PRELID2: variants seen among roughly 807,000 people sequenced by gnomAD.
PRELID2 encodes PRELI domain containing 2.
PRELID2 carries 25 observed loss-of-function variants against 28.4 expected under a neutral mutation model. The observed-to-expected ratio is 0.88, with a 90% CI of 0.64 to 1.23. The LOEUF is 1.23. Among genes scored for constraint, PRELID2 ranks in the 50% most tolerant of loss-of-function variants. The pLI is 0.00. For missense variants in PRELID2, 201 were observed against 214.4 expected (o/e 0.94, Z 0.39); for synonymous variants, 76 against 71.6 (o/e 1.06, Z -0.31).
downstream of PRELID2, among the ~76,000 whole-genome samples, chr5:145,471,637 C>T (rs1752055050): frequency 6.6e-6 from 1 of 151,894 alleles, no homozygotes; most frequent in East Asian, 1.9e-4. Flanking sequence ...TTTCTCAAAC[C>T]AGTATGCCTC....
At chr5:145,604,955 AATATAT>A (rs374281661) in intron 1 of PRELID2, among the ~76,000 whole-genome samples, 1 of 137,752 alleles carries the variant, frequency 7.3e-6, no homozygotes, top group Non-Finnish European at 1.5e-5. Flanking sequence ...TATTATTTTG[AATATAT>A]ATATATTCTT....
At chr5:145,447,226 A>G in the PRELID2 span, among the ~76,000 whole-genome samples, 3 of 151,826 alleles carry the variant, frequency 2.0e-5, no homozygotes, top group African/African-American at 7.3e-5. Flanking sequence ...GTACCGCATG[A>G]GGTTGAAAGA....
chr5:145,716,656 A>G (rs1200294699), intron 1 of PRELID2, among the ~76,000 whole-genome samples: 4 of 152,194 alleles, frequency 2.6e-5, no homozygotes, highest in Admixed American at 6.6e-5. Context: ...AGTTGCAACC[A>G]AAGTATATAC....
chr5:145,652,039 C>G (rs912632174), intron 1 of PRELID2, among the ~76,000 whole-genome samples: 4 of 152,060 alleles, frequency 2.6e-5, no homozygotes, highest in African/African-American at 9.7e-5. Flanking sequence ...CCAAAATAAC[C>G]AGTGTAGAGA....
the PRELID2 span, among the ~76,000 whole-genome samples, chr5:145,343,540 C>CA: frequency 1.3e-5 from 2 of 150,840 alleles, no homozygotes; most frequent in South Asian, 2.1e-4. Flanking sequence ...AAATTTATAG[C>CA]AAAAAATGCC....
At chr5:145,790,919 G>C (rs959720640) in intron 5 of PRELID2, among the ~76,000 whole-genome samples, 6 of 129,984 alleles carry the variant, frequency 4.6e-5, no homozygotes, top group Admixed American at 3.9e-4. Context: ...ATACCAAAAA[G>C]AATTGGAAGC....
the PRELID2 span, among the ~76,000 whole-genome samples, chr5:145,330,186 T>C: frequency 6.6e-6 from 1 of 152,164 alleles, no homozygotes; most frequent in African/African-American, 2.4e-5. Context: ...AGTATTTTAT[T>C]GAGGATTTTT....
At chr5:145,724,600 A>AATAAATAT (rs1308255896) in intron 1 of PRELID2, among the ~76,000 whole-genome samples, 11 of 24,776 alleles carry the variant, frequency 4.4e-4, no homozygotes, top group South Asian at 1.3e-3. Flanking sequence ...GAAGTAAATA[A>AATAAATAT]ATATATATAT....
At chr5:145,789,977 T>G (rs971713577) in intron 5 of PRELID2, among the ~76,000 whole-genome samples, 35 of 152,040 alleles carry the variant, frequency 2.3e-4, no homozygotes, top group African/African-American at 8.5e-4. Flanking sequence ...ATGGCTGATA[T>G]CAAAAAGATG....
At chr5:145,587,259 T>C (rs1339756995) in intron 1 of PRELID2, among the ~76,000 whole-genome samples, 1 of 152,142 alleles carries the variant, frequency 6.6e-6, no homozygotes, top group Non-Finnish European at 1.5e-5. Context: ...TGTGAAAAAG[T>C]ATCCTATTTG....
the PRELID2 span, among the ~76,000 whole-genome samples, chr5:145,392,721 A>AGAAG: frequency 6.6e-6 from 1 of 152,102 alleles, no homozygotes; most frequent in Non-Finnish European, 1.5e-5. Flanking sequence ...AGAGAGGGAA[A>AGAAG]GAAGGAAGAA....
intron 1 of PRELID2, among the ~76,000 whole-genome samples, chr5:145,630,988 C>G (rs1033588414): frequency 5.9e-5 from 9 of 152,166 alleles, no homozygotes; most frequent in Non-Finnish European, 8.8e-5. Context: ...TTCTCTAGGA[C>G]TCAACTTTCC....
intron 5 of PRELID2, 162 bp downstream of exon 5, chr5:145,796,280 G>T: frequency 6.8e-6 from 3 of 438,620 alleles, no homozygotes; most frequent in Non-Finnish European, 1.2e-5. Flanking sequence ...ACTTTGATTT[G>T]AATTTATGTA....
rs59677300 is a variant in PRELID2 at position 145,724,600 on chromosome 5, AATATATATATATATATATATAT to A, written n.70+40309_70+40330del. On this transcript the variant is annotated intron_variant and non_coding_transcript_variant, in intron 1 of 2. Transcript: ENST00000510259. ...ACACTGAAATAACAAGAAGTAAATA[AATATATATATATATATATATAT>A]ATATATATATATATATATATATATA... Among the ~76,000 whole-genome samples, 78 of 24,776 alleles carry A rather than the reference AATATATATATATATATATATAT, an allele frequency of 3.1e-3. 1 individual carries two copies. The highest frequency in any genetic ancestry group is 0.011 in the East Asian group (7 of 644). 16.3% of individuals were successfully genotyped at this position (24,776 alleles called of 152,430 possible).
intron 4 of PRELID2, among the ~76,000 whole-genome samples, chr5:145,805,864 T>G (rs1753466722): frequency 6.6e-6 from 1 of 152,174 alleles, no homozygotes; most frequent in Admixed American, 6.5e-5. Flanking sequence ...TGCAACACAG[T>G]GGTATTTGTG....
At chr5:145,802,387 T>C (rs551253229) in intron 4 of PRELID2, among the ~76,000 whole-genome samples, 4 of 152,208 alleles carry the variant, frequency 2.6e-5, no homozygotes, top group Non-Finnish European at 4.4e-5. Context: ...AATGGTTGTA[T>C]CTATTTTTTC....
chr5:145,397,607 G>A, the PRELID2 span, among the ~76,000 whole-genome samples: 1 of 152,150 alleles, frequency 6.6e-6, no homozygotes, highest in Non-Finnish European at 1.5e-5. Flanking sequence ...ATTCTGCTCT[G>A]AGAGCTAACT....
the PRELID2 span, among the ~76,000 whole-genome samples, chr5:145,267,587 C>T: frequency 3.9e-4 from 60 of 152,198 alleles, no homozygotes; most frequent in Middle Eastern, 3.4e-3. Context: ...GCTTCCAAAT[C>T]TTGGCTATTG....
chr5:145,728,696 A>G, intron 1 of PRELID2: 1 of 1,557,044 alleles, frequency 6.4e-7, no homozygotes, highest in Non-Finnish European at 8.8e-7. Context: ...ATTTCACTTC[A>G]GCAAGTCCAA....
Sources: allele counts gnomAD v4.1 joint callset (sites outside exome capture counted in the v4.1 genomes callset), GRCh38; gene constraint gnomAD v4.1.1; transcripts MANE v1.5; gene names NCBI Gene and HGNC (gene_info 2026-07-23, HGNC 2026-07-21).